Variants in FNDC3A observed in about 807,000 individuals in gnomAD.
FNDC3A encodes the protein fibronectin type-III domain-containing protein 3A.
A neutral mutation model predicts 148.9 loss-of-function variants in FNDC3A; 32 were observed. The ratio of observed to expected loss-of-function variants is 0.21; its 90% CI spans 0.16 to 0.29. FNDC3A has a LOEUF of 0.29. Among genes scored for constraint, FNDC3A ranks in the 10% least tolerant of loss-of-function variants. The probability of loss-of-function intolerance (pLI) is 1.00; values close to 1 mark genes in which losing one functional copy is unlikely to be tolerated. For synonymous variants in FNDC3A, 472 were observed against 473.6 expected (o/e 1.00, Z 0.04); for missense variants, 1,191 against 1,452.8 (o/e 0.82, Z 2.93).
chr13:49,060,897 T>C (rs1876636338), intron 2 of FNDC3A, among the ~76,000 whole-genome samples: 1 of 152,024 alleles, frequency 6.6e-6, no homozygotes, highest in African/African-American at 2.4e-5. Context: ...GTAATGAAAA[T>C]GTTTTGGAAG....
chr13:49,115,650 T>G (rs904718542), intron 4 of FNDC3A, among the ~76,000 whole-genome samples: 4 of 152,226 alleles, frequency 2.6e-5, no homozygotes, highest in African/African-American at 9.6e-5. Flanking sequence ...CTGCATGGTC[T>G]TGGGCAAATC....
intron 23 of FNDC3A, among the ~76,000 whole-genome samples, chr13:49,200,860 G>A (rs1886388923): frequency 6.6e-6 from 1 of 151,536 alleles, no homozygotes; most frequent in Admixed American, 6.6e-5. Flanking sequence ...CTTGCTGTGG[G>A]ATGGTATCAT....
intron 3 of FNDC3A, among the ~76,000 whole-genome samples, chr13:49,105,607 AC>A (rs1439010957): frequency 6.6e-6 from 1 of 152,238 alleles, no homozygotes; most frequent in East Asian, 1.9e-4. Flanking sequence ...CATTTGGATG[AC>A]TAATAGACAT....
rs1345491473 is a variant in FNDC3A at position 49,180,016 on chromosome 13, T to G, written c.1617+1362T>G. 2.0e-5 allele frequency among the ~76,000 whole-genome samples: 3 copies of G among 152,214 alleles called. No homozygotes were observed. The South Asian group carries it at 6.2e-4, about 31-fold the overall frequency. Reference sequence around the variant, plus strand: ...ATATGTTTAGTTTATATACAGATATTTATACATGTGTATATACATAAATAG... The same window carrying G: ...ATATGTTTAGTTTATATACAGATATGTATACATGTGTATATACATAAATAG... On this transcript the variant is annotated intron_variant, in intron 14 of 25. Coordinates refer to ENST00000492622, the MANE Select transcript of FNDC3A (RefSeq NM_001079673.2).
At chr13:49,158,200 C>G (rs535346049) in intron 8 of FNDC3A, among the ~76,000 whole-genome samples, 24 of 152,272 alleles carry the variant, frequency 1.6e-4, no homozygotes, top group African/African-American at 5.8e-4. Context: ...CCCTCCGAGC[C>G]AGGTGCAGGA....
At chr13:48,986,385 GT>G (rs869031197) in intron 1 of FNDC3A, among the ~76,000 whole-genome samples, 38 of 54,414 alleles carry the variant, frequency 7.0e-4, no homozygotes, top group African/African-American at 2.7e-3. Context: ...GAAGGAAGTT[GT>G]TTTTTTTTTT....
chr13:49,068,172 TAA>T (rs1209565702), intron 2 of FNDC3A, among the ~76,000 whole-genome samples: 16 of 137,414 alleles, frequency 1.2e-4, no homozygotes, highest in Admixed American at 2.2e-4. Flanking sequence ...CGTCTTTATT[TAA>T]AAAAAAAAAA....
chr13:49,167,209 T>A (rs1222411223), intron 8 of FNDC3A, 35 bp from the exon 9 acceptor site: 2 of 1,356,458 alleles, frequency 1.5e-6, no homozygotes, highest in African/African-American at 1.4e-5. Flanking sequence ...AATGCTTTAT[T>A]TATCAGACAT....
At chr13:48,978,231 A>T (rs1429840853) in intron 1 of FNDC3A, among the ~76,000 whole-genome samples, 3 of 152,260 alleles carry the variant, frequency 2.0e-5, no homozygotes, top group East Asian at 3.9e-4. Context: ...ATATTTTATT[A>T]CTAATTTAAA....
chr13:48,981,929 C>T (rs1464589875), intron 1 of FNDC3A, among the ~76,000 whole-genome samples: 4 of 152,066 alleles, frequency 2.6e-5, no homozygotes, highest in African/African-American at 9.7e-5. Flanking sequence ...CGCTTCACTA[C>T]TTCTTCAGTG....
At chr13:49,124,839 T>TA (rs1403684508) in intron 4 of FNDC3A, among the ~76,000 whole-genome samples, 1 of 152,208 alleles carries the variant, frequency 6.6e-6, no homozygotes, top group Non-Finnish European at 1.5e-5. Flanking sequence ...AGTACTAACT[T>TA]AGAGTCCCTA....
intron 17 of FNDC3A, among the ~76,000 whole-genome samples, chr13:49,190,251 A>G (rs750472847): frequency 2.6e-5 from 4 of 152,222 alleles, no homozygotes; most frequent in Non-Finnish European, 5.9e-5. Context: ...TAAATATAGC[A>G]TAGAAACTAA....
chr13:48,985,432 G>A (rs2137553054), intron 1 of FNDC3A, among the ~76,000 whole-genome samples: 1 of 152,258 alleles, frequency 6.6e-6, no homozygotes, highest in South Asian at 2.1e-4. Context: ...TTCATTAATA[G>A]AGAGTATTGC....
At chr13:49,199,092 CT>C (rs1163381304) in intron 23 of FNDC3A, among the ~76,000 whole-genome samples, 2 of 152,232 alleles carry the variant, frequency 1.3e-5, no homozygotes, top group Admixed American at 1.3e-4. Context: ...ACTATCTTGG[CT>C]CATTGCAACC....
At chr13:49,045,038 TTCCCTTTTCCTTTC>T in intron 2 of FNDC3A, 1 of 60,510 alleles carries the variant, frequency 1.7e-5, no homozygotes, top group Non-Finnish European at 4.0e-5. Flanking sequence ...TCCCTTTCCT[TTCCCTTTTCCTTTC>T]CCTTTCCCTT....
chr13:49,060,412 G>C (rs531037763), intron 2 of FNDC3A, among the ~76,000 whole-genome samples: 5 of 152,196 alleles, frequency 3.3e-5, no homozygotes, highest in Non-Finnish European at 7.3e-5. Flanking sequence ...GGAAGGCCAA[G>C]GTGGGCGGAT....
intron 2 of FNDC3A, among the ~76,000 whole-genome samples, chr13:49,014,460 G>C (rs1435452519): frequency 9.8e-6 from 1 of 102,040 alleles, no homozygotes; most frequent in African/African-American, 3.8e-5. Flanking sequence ...TTTTTTTCTT[G>C]TAAATTTGTT....
At chr13:49,168,783 G>C (rs1330482023) in intron 10 of FNDC3A, 32 bp downstream of exon 10, 1 of 1,596,566 alleles carries the variant, frequency 6.3e-7, no homozygotes, top group South Asian at 1.1e-5. Context: ...TTTCCAACTG[G>C]ACATGTGTTT....
chr13:49,056,268 T>C (rs1265037998), intron 2 of FNDC3A, among the ~76,000 whole-genome samples: 1 of 152,088 alleles, frequency 6.6e-6, no homozygotes, highest in African/African-American at 2.4e-5. Context: ...TCCTCCTGCC[T>C]CAGCCTTCCA....
Sources: gnomAD v4.1 joint callset for allele counts (sites outside exome capture counted in the v4.1 genomes callset) on GRCh38, gnomAD v4.1.1 for gene constraint, MANE v1.5 for transcripts, NCBI Gene and HGNC (gene_info 2026-07-23, HGNC 2026-07-21) for gene names.